PRKG1: variants seen among roughly 807,000 people sequenced by gnomAD.
PRKG1 encodes protein kinase cGMP-dependent 1.
A neutral mutation model predicts 88.1 loss-of-function variants in PRKG1; 35 were observed. The ratio of observed to expected loss-of-function variants is 0.40; its 90% CI spans 0.30 to 0.53. The LOEUF is 0.53. Ranked by LOEUF, PRKG1 falls within the 20% of genes least tolerant of loss-of-function variation. The pLI is 0.59. For synonymous variants in PRKG1, 303 were observed against 292.5 expected (o/e 1.04, Z -0.37); for missense variants, 540 against 839.8 (o/e 0.64, Z 4.41).
At chr10:51,119,347 T>C (rs1466364262) in intron 1 of PRKG1, among the ~76,000 whole-genome samples, 2 of 152,076 alleles carry the variant, frequency 1.3e-5, no homozygotes, top group Non-Finnish European at 2.9e-5. Context: ...ATTAACACAT[T>C]TTTATAAATC....
chr10:51,276,485 T>A (rs1363590236), intron 2 of PRKG1, among the ~76,000 whole-genome samples: 2 of 152,228 alleles, frequency 1.3e-5, no homozygotes, highest in East Asian at 3.8e-4. Context: ...TACCCAGTAA[T>A]GGGATGGCTG....
intron 5 of PRKG1, among the ~76,000 whole-genome samples, chr10:51,993,298 A>G (rs572176070): frequency 6.6e-6 from 1 of 152,174 alleles, no homozygotes; most frequent in African/African-American, 2.4e-5. Flanking sequence ...TAGGCTATGT[A>G]TATTGTGCCT....
intron 10 of PRKG1, among the ~76,000 whole-genome samples, chr10:52,260,993 A>C (rs926820583): frequency 2.6e-5 from 4 of 152,050 alleles, no homozygotes; most frequent in African/African-American, 9.6e-5. Context: ...TAAAAATAAG[A>C]AATTATAAAT....
intron 9 of PRKG1, among the ~76,000 whole-genome samples, chr10:52,180,108 T>C (rs1838975937): frequency 6.6e-6 from 1 of 152,196 alleles, no homozygotes; most frequent in Admixed American, 6.5e-5. Context: ...TTTTTATTAT[T>C]TTATCTTTTT....
At chr10:52,199,820 A>G (rs1197680832) in intron 9 of PRKG1, among the ~76,000 whole-genome samples, 4 of 152,120 alleles carry the variant, frequency 2.6e-5, no homozygotes, top group Admixed American at 6.5e-5. Context: ...TAGGACAACC[A>G]GTGGAGCAGT....
intron 3 of PRKG1, among the ~76,000 whole-genome samples, chr10:51,500,706 A>T (rs1370198634): frequency 6.6e-6 from 1 of 152,102 alleles, no homozygotes; most frequent in African/African-American, 2.4e-5. Context: ...CTCTGTTTTG[A>T]TTCAGCATTT....
chr10:51,188,890 A>T (rs1837563426), intron 2 of PRKG1, among the ~76,000 whole-genome samples: 1 of 151,956 alleles, frequency 6.6e-6, no homozygotes, highest in Non-Finnish European at 1.5e-5. Context: ...GAGCAAAAAG[A>T]AAATGCAATA....
intron 5 of PRKG1, among the ~76,000 whole-genome samples, chr10:52,035,839 C>A (rs1399312380): frequency 6.6e-6 from 1 of 152,108 alleles, no homozygotes; most frequent in African/African-American, 2.4e-5. Context: ...ATTAAAGCAG[C>A]GGGAGCCGCT....
chr10:51,076,427 G>A (rs1200826696), intron 1 of PRKG1, among the ~76,000 whole-genome samples: 2 of 152,172 alleles, frequency 1.3e-5, no homozygotes, highest in South Asian at 4.1e-4. Flanking sequence ...CGAGGTACAT[G>A]ACCATCTCTC....
At chr10:51,330,149 TTTATTTA>T (rs1248506665) in intron 2 of PRKG1, among the ~76,000 whole-genome samples, 42 of 126,062 alleles carry the variant, frequency 3.3e-4, no homozygotes, top group African/African-American at 1.1e-3. Context: ...TTATTTATTT[TTTATTTA>T]TTTTTTTTTT....
intron 3 of PRKG1, among the ~76,000 whole-genome samples, chr10:51,749,345 C>G (rs982422330): frequency 6.6e-6 from 1 of 152,124 alleles, no homozygotes; most frequent in East Asian, 1.9e-4. Context: ...AAGTCTGAGA[C>G]CAGGCTGCCA....
chr10:50,998,587 A>T (rs958470250), intron 1 of PRKG1, among the ~76,000 whole-genome samples: 6 of 152,098 alleles, frequency 3.9e-5, no homozygotes, highest in African/African-American at 1.2e-4. Flanking sequence ...GTCTCTACTA[A>T]AAATACAAAA....
intron 1 of PRKG1, among the ~76,000 whole-genome samples, chr10:51,065,952 T>C (rs1843744706): frequency 6.6e-6 from 1 of 152,054 alleles, no homozygotes; most frequent in African/African-American, 2.4e-5. Flanking sequence ...TGAAGGATTA[T>C]CAGAGAGAGT....
intron 3 of PRKG1, among the ~76,000 whole-genome samples, chr10:51,542,855 G>A (rs537296912): frequency 2.1e-4 from 32 of 152,218 alleles, no homozygotes; most frequent in African/African-American, 7.2e-4. Context: ...CTCTTACCAC[G>A]TCTATAATAA....
At chr10:52,193,548 C>CAAAAAAAAAAAAAAAAAAA (rs34730000) in intron 9 of PRKG1, among the ~76,000 whole-genome samples, 1 of 42,820 alleles carries the variant, frequency 2.3e-5, no homozygotes, top group Non-Finnish European at 4.8e-5. Context: ...GACTCTGTCT[C>CAAAAAAAAAAAAAAAAAAA]AAAAAAAAAA....
intron 4 of PRKG1, among the ~76,000 whole-genome samples, chr10:51,823,892 A>C (rs1487959095): frequency 2.0e-5 from 2 of 98,342 alleles, no homozygotes; most frequent in Non-Finnish European, 3.8e-5. Flanking sequence ...TTTTTTTTTT[A>C]AGACAAGATC....
rs1839257896 is a variant in PRKG1, at chr10:51,804,631, A to G, written c.639A>G (p.Gln213=). 8 of 1,605,116 alleles carry G rather than the reference A, an allele frequency of 5.0e-6. No homozygotes were observed. The highest frequency in any genetic ancestry group is 1.3e-5 in the African/African-American group (1 of 74,804). ...GGGCCATTGATCGACAATGTTTTCA[A>G]ACAATAATGATGAGGACAGGACTCA... ...KLWAIDRQCF[Q]TIMMRTGLIK... Residue 213 remains glutamine, a synonymous_variant, in exon 4 of 18, where the codon CAA becomes CAG. Transcript: ENST00000373980.
intron 3 of PRKG1, among the ~76,000 whole-genome samples, chr10:51,608,914 TAAG>T (rs1315146533): frequency 1.3e-5 from 2 of 152,018 alleles, no homozygotes; most frequent in Non-Finnish European, 2.9e-5. Flanking sequence ...ACAAATGAAA[TAAG>T]AAAAAGCTTA....
chr10:51,196,807 G>A (rs1195295066), intron 2 of PRKG1, among the ~76,000 whole-genome samples: 1 of 152,166 alleles, frequency 6.6e-6, no homozygotes, highest in East Asian at 1.9e-4. Context: ...AGTTCAAGTT[G>A]GCCACTTTCT....
Sources: allele counts gnomAD v4.1 joint callset (sites outside exome capture counted in the v4.1 genomes callset), GRCh38; gene constraint gnomAD v4.1.1; transcripts MANE v1.5; gene names NCBI Gene and HGNC (gene_info 2026-07-23, HGNC 2026-07-21).